Variants in SLC26A8 observed in about 807,000 individuals in gnomAD.
The protein encoded by SLC26A8 is solute carrier family 26 member 8.
A neutral mutation model predicts 105.0 loss-of-function variants in SLC26A8; 70 were observed. That is an observed-to-expected ratio of 0.67 (90% CI 0.55 to 0.81). The LOEUF is 0.81. Ranked by LOEUF, SLC26A8 falls within the 40% of genes least tolerant of loss-of-function variation. The pLI is 0.00. For missense variants in SLC26A8, 998 were observed against 1,181.8 expected, an observed-to-expected ratio of 0.84 and a Z score of 2.28; for synonymous variants, 415 against 438.3, an observed-to-expected ratio of 0.95 and a Z score of 0.66.
chr6:36,010,783 C>T (rs193159354), intron 3 of SLC26A8, among the ~76,000 whole-genome samples: 2 of 152,158 alleles, frequency 1.3e-5, no homozygotes, highest in Admixed American at 1.3e-4. Context: ...AATCAATCTG[C>T]CTGCCCAGGC....
intron 5 of SLC26A8, among the ~76,000 whole-genome samples, chr6:35,993,685 A>G (rs1309324888): frequency 6.6e-6 from 1 of 152,098 alleles, no homozygotes; most frequent in African/African-American, 2.4e-5. Flanking sequence ...AATATTTGAT[A>G]ATTTATACAC....
At position 35,968,942 on chromosome 6, in the gene SLC26A8, C is replaced by T. The variant is rs766577082; in HGVS notation, c.1300G>A (p.Val434Ile). ...SGGRQQFASL[V>I]GAGVMLLLMV... is the part of the protein sequence containing the mutation. Reference sequence around the variant, plus strand: ...AGGAGCAGCATCACACCTGCGCCTACCAGAGATGCAAACTGAGGAGACAGA... The same window carrying T: ...AGGAGCAGCATCACACCTGCGCCTATCAGAGATGCAAACTGAGGAGACAGA... Residue 434 changes from valine to isoleucine, a missense_variant, in exon 11 of 20, where the codon GTA becomes ATA. By Grantham distance (29) the Val-to-Ile change is conservative (BLOSUM62 3). Coordinates refer to ENST00000490799, the MANE Select transcript of SLC26A8 (RefSeq NM_052961.4). The T allele has an allele frequency of 6.2e-7, 1 of 1,612,094 alleles. No individual in the cohort carries two copies. Among genetic ancestry groups the T allele is most frequent in the Non-Finnish European group, 8.5e-7 (1 of 1,179,262 alleles).
chr6:36,007,702 T>C (rs910801025), intron 3 of SLC26A8, among the ~76,000 whole-genome samples: 2 of 152,140 alleles, frequency 1.3e-5, no homozygotes, highest in Admixed American at 6.5e-5. Flanking sequence ...GATATGGTAT[T>C]GGTAAAGGGA....
chr6:36,023,689 T>A (rs1311938002), intron 1 of SLC26A8, among the ~76,000 whole-genome samples: 2 of 152,224 alleles, frequency 1.3e-5, no homozygotes, highest in African/African-American at 4.8e-5. Context: ...AACTTTCTTA[T>A]GTTTTCTATA....
intron 7 of SLC26A8, among the ~76,000 whole-genome samples, chr6:35,986,450 T>C (rs1347630452): frequency 6.6e-6 from 1 of 152,178 alleles, no homozygotes; most frequent in African/African-American, 2.4e-5. Flanking sequence ...TTGAAATTAT[T>C]CCTCTTATCA....
chr6:35,958,863 G>C (rs902312784), intron 16 of SLC26A8, among the ~76,000 whole-genome samples: 2 of 152,172 alleles, frequency 1.3e-5, no homozygotes, highest in African/African-American at 4.8e-5. Context: ...GGACTACTTA[G>C]ATCAAGTCCA....
chr6:36,004,178 G>C (rs1482376806), intron 3 of SLC26A8, among the ~76,000 whole-genome samples: 2 of 150,308 alleles, frequency 1.3e-5, no homozygotes, highest in African/African-American at 4.9e-5. Context: ...CAGGCTCAGG[G>C]AATCGTCCCA....
At chr6:35,944,427 T>C in intron 19 of SLC26A8, 87 bp from the exon 20 acceptor site, 1 of 906,098 alleles carries the variant, frequency 1.1e-6, no homozygotes, top group Non-Finnish European at 1.7e-6. Flanking sequence ...TCCCAGCACT[T>C]TGAGAGGCTG....
chr6:35,989,021 T>C (rs1467819862), intron 7 of SLC26A8, among the ~76,000 whole-genome samples: 2 of 152,050 alleles, frequency 1.3e-5, no homozygotes, highest in Non-Finnish European at 2.9e-5. Flanking sequence ...TTTGTATTTT[T>C]AGTAGAGATG....
chr6:35,951,239 T>G lies in SLC26A8; in HGVS notation c.2396A>C (p.Lys799Thr). The change falls in exon 19 of 20, where the codon AAG becomes ACG. Residue 799 changes from lysine to threonine, a missense_variant. Coordinates refer to ENST00000490799, the MANE Select transcript of SLC26A8 (RefSeq NM_052961.4). The part of the protein sequence containing the change: ...HDAVLFALSR[K>T]VIGSSELSID... ...GCTTAACTCAGAGGAGCCTATGACC[T>G]TCCTTGACAAGGCAAACAGCACGGC... is the stretch of plus-strand genomic sequence containing the variant. 6.2e-7 allele frequency: 1 copy of G among 1,614,128 alleles called. No homozygotes were observed. Among genetic ancestry groups the G allele is most frequent in the Admixed American group, 1.7e-5 (1 of 60,014 alleles).
intron 10 of SLC26A8, among the ~76,000 whole-genome samples, chr6:35,970,191 A>G (rs1470106826): frequency 6.6e-6 from 1 of 152,140 alleles, no homozygotes; most frequent in Non-Finnish European, 1.5e-5. Flanking sequence ...CTACCAAAGG[A>G]CCATTCAGCA....
At chr6:36,024,151 G>T (rs896463859) in intron 1 of SLC26A8, among the ~76,000 whole-genome samples, 1 of 152,136 alleles carries the variant, frequency 6.6e-6, no homozygotes, top group African/African-American at 2.4e-5. Flanking sequence ...AGGAACGGCC[G>T]GGCAGTCAGG....
chr6:36,021,031 C>A (rs1288129235), intron 1 of SLC26A8, among the ~76,000 whole-genome samples: 1 of 152,154 alleles, frequency 6.6e-6, no homozygotes, highest in Non-Finnish European at 1.5e-5. Flanking sequence ...CACAACAATA[C>A]CAGTACTACT....
intron 2 of SLC26A8, among the ~76,000 whole-genome samples, chr6:36,017,604 C>T (rs1762030452): frequency 6.6e-6 from 1 of 151,584 alleles, no homozygotes; most frequent in Non-Finnish European, 1.5e-5. Context: ...CGCACTCCAG[C>T]CTGGGCAACA....
chr6:35,947,287 T>C (rs1006963155), intron 19 of SLC26A8, among the ~76,000 whole-genome samples: 2 of 152,114 alleles, frequency 1.3e-5, no homozygotes, highest in African/African-American at 4.8e-5. Flanking sequence ...TTCCTTGGCC[T>C]CCCGAAGTGC....
Position 35,946,037 on chromosome 6 carries a change from G to T in SLC26A8, c.2473-1697C>A, listed in dbSNP as rs147785617. On this transcript the variant is annotated intron_variant, in intron 19 of 19. Coordinates refer to ENST00000490799, the MANE Select transcript of SLC26A8 (RefSeq NM_052961.4). ...TAGATGTTGGTATGCCCCAGGGCTT[G>T]ATCCTGGGACCTTTCTCTTGTCTAT... Among the ~76,000 whole-genome samples the T allele has an allele frequency of 4.7e-3, 710 of 152,250 alleles. 3 individuals carry two copies. The highest frequency in any genetic ancestry group is 0.016 in the African/African-American group (670 of 41,526).
Position 35,955,403 on chromosome 6 carries a change from C to T in SLC26A8, c.1981G>A (p.Val661Met), listed in dbSNP as rs761756989. The change falls in exon 17 of 20, where the codon GTG (valine) becomes ATG (methionine). Residue 661 changes from valine (V) to methionine (M), a missense_variant. By Grantham distance (21) the Val-to-Met change is conservative (BLOSUM62 1). Coordinates refer to ENST00000490799, the MANE Select transcript of SLC26A8 (RefSeq NM_052961.4). ...NTSQTASEDQVPYTVSSVSQK... is the reference protein window; with the variant it reads ...NTSQTASEDQMPYTVSSVSQK... ...GACACGGACGATACTGTGTATGGCA[C>T]TTGGTCTTCGGATGCAGTTTGGCTT... The T allele has an allele frequency of 6.2e-7, 1 of 1,614,168 alleles. No homozygotes were observed. Among genetic ancestry groups the T allele is most frequent in the Non-Finnish European group, 8.5e-7 (1 of 1,180,032 alleles).
intron 19 of SLC26A8, among the ~76,000 whole-genome samples, chr6:35,948,907 T>G (rs1771765731): frequency 6.6e-6 from 1 of 152,130 alleles, no homozygotes; most frequent in African/African-American, 2.4e-5. Context: ...GCATAAACCC[T>G]TTTGTCCTTC....
chr6:36,012,206 G>A, intron 3 of SLC26A8, 27 bp downstream of exon 3: 1 of 1,607,070 alleles, frequency 6.2e-7, no homozygotes, highest in Non-Finnish European at 8.5e-7. Context: ...ATTGTCTTTG[G>A]ATGAACAGGC....
Sources: gnomAD v4.1 joint callset for allele counts (sites outside exome capture counted in the v4.1 genomes callset) on GRCh38, gnomAD v4.1.1 for gene constraint, MANE v1.5 for transcripts, NCBI Gene and HGNC (gene_info 2026-07-23, HGNC 2026-07-21) for gene names.